Variants in PHF24 observed in about 807,000 individuals in gnomAD.
PHF24 encodes PHD finger protein 24, also known as Galpha inhibitory interacting protein.
Under a neutral mutation model 42.6 loss-of-function variants are expected in PHF24, and 25 were observed. That is an observed-to-expected ratio of 0.59 (90% confidence interval 0.43 to 0.82). PHF24 has a LOEUF of 0.82. Ranked by LOEUF, PHF24 falls within the 40% of genes least tolerant of loss-of-function variation. The pLI, the probability that PHF24 is intolerant of heterozygous loss-of-function variation, is 0.00. For missense variants in PHF24, 470 were observed against 538.1 expected (o/e 0.87, Z 1.25); for synonymous variants, 185 against 204.8 (o/e 0.90, Z 0.83).
chr9:34,718,069 A>G, the PHF24 span, among the ~76,000 whole-genome samples: 1 of 151,922 alleles, frequency 6.6e-6, no homozygotes, highest in African/African-American at 2.4e-5. Context: ...TGCTGGTACT[A>G]TTTACCGCAA....
At chr9:34,879,852 C>T in the PHF24 span, among the ~76,000 whole-genome samples, 1 of 152,044 alleles carries the variant, frequency 6.6e-6, no homozygotes, top group African/African-American at 2.4e-5. Flanking sequence ...ACAGAGAACG[C>T]CACAAAGATA....
At chr9:34,752,428 A>T in the PHF24 span, among the ~76,000 whole-genome samples, 2 of 152,188 alleles carry the variant, frequency 1.3e-5, no homozygotes, top group Admixed American at 6.5e-5. Context: ...AATAAATGGG[A>T]AAACCTAGGA....
chr9:34,729,155 A>T, the PHF24 span: 2 of 1,142,098 alleles, frequency 1.8e-6, no homozygotes, highest in Admixed American at 5.8e-5. Context: ...CTGAGAAGAA[A>T]AGTATTACAC....
chr9:34,894,495 C>A, the PHF24 span: 1 of 398,624 alleles, frequency 2.5e-6, no homozygotes, highest in Non-Finnish European at 4.4e-6. Context: ...CTGTGAAGTT[C>A]TCCTAGCTGA....
the PHF24 span, among the ~76,000 whole-genome samples, chr9:34,800,135 A>T: frequency 6.6e-6 from 1 of 152,190 alleles, no homozygotes; most frequent in African/African-American, 2.4e-5. Context: ...AATTTTATAC[A>T]AATTAAAAAA....
the PHF24 span, among the ~76,000 whole-genome samples, chr9:34,861,589 T>G: frequency 1.3e-5 from 2 of 152,154 alleles, no homozygotes; most frequent in African/African-American, 4.8e-5. Context: ...CTGATCAAGT[T>G]GGGGATAATT....
chr9:34,870,421 A>C, the PHF24 span, among the ~76,000 whole-genome samples: 1 of 152,044 alleles, frequency 6.6e-6, no homozygotes, highest in Non-Finnish European at 1.5e-5. Flanking sequence ...CTACCTATTC[A>C]TTCATCCCTC....
chr9:34,739,181 T>C, the PHF24 span, among the ~76,000 whole-genome samples: 9 of 152,370 alleles, frequency 5.9e-5, no homozygotes, highest in East Asian at 1.5e-3. Context: ...ATCAACTTTA[T>C]TCATAGTAAG....
chr9:34,850,962 T>C, the PHF24 span, among the ~76,000 whole-genome samples: 4 of 152,182 alleles, frequency 2.6e-5, no homozygotes, highest in Non-Finnish European at 4.4e-5. Context: ...TCTGGAAGTT[T>C]TGTCTCAGAG....
chr9:34,771,040 G>T, the PHF24 span, among the ~76,000 whole-genome samples: 1 of 152,146 alleles, frequency 6.6e-6, no homozygotes, highest in Non-Finnish European at 1.5e-5. Flanking sequence ...TTGAAACCAG[G>T]AGGCAGAGGT....
chr9:34,810,423 G>A, the PHF24 span, among the ~76,000 whole-genome samples: 6 of 152,178 alleles, frequency 3.9e-5, no homozygotes, highest in African/African-American at 1.4e-4. Flanking sequence ...GAGTCCCCCT[G>A]TGGAGGGCAC....
At chr9:34,694,610 G>A in the PHF24 span, among the ~76,000 whole-genome samples, 5 of 152,186 alleles carry the variant, frequency 3.3e-5, no homozygotes, top group East Asian at 9.6e-4. Flanking sequence ...AGGGATTACA[G>A]GCGTGAGCCA....
the PHF24 span, among the ~76,000 whole-genome samples, chr9:34,730,018 C>T: frequency 0.29 from 44,762 of 151,896 alleles, 6,893 homozygotes; most frequent in Admixed American, 0.35. Flanking sequence ...GGTGGTTGTA[C>T]GTATCTGGTC....
At chr9:34,963,287 C>A (rs1036202828) in intron 1 of PHF24, among the ~76,000 whole-genome samples, 4 of 117,126 alleles carry the variant, frequency 3.4e-5, no homozygotes, top group Non-Finnish European at 5.2e-5. Context: ...TGCTTAAAAT[C>A]TTGAGGTTGA....
At chr9:34,775,131 A>G in the PHF24 span, among the ~76,000 whole-genome samples, 1 of 152,246 alleles carries the variant, frequency 6.6e-6, no homozygotes, top group Non-Finnish European at 1.5e-5. Context: ...GTTTACAATA[A>G]CCAAAAGGTG....
chr9:34,703,224 G>A, the PHF24 span, among the ~76,000 whole-genome samples: 6 of 151,878 alleles, frequency 4.0e-5, no homozygotes, highest in African/African-American at 1.5e-4. Context: ...GCCCAGGCTG[G>A]AGCGCAATGG....
the PHF24 span, among the ~76,000 whole-genome samples, chr9:34,808,819 G>C: frequency 6.9e-6 from 1 of 144,006 alleles, no homozygotes; most frequent in African/African-American, 2.6e-5. Flanking sequence ...GTCCACCTCT[G>C]TATACTATTA....
the PHF24 span, chr9:34,917,125 C>T: frequency 5.3e-3 from 4,558 of 854,140 alleles, 78 homozygotes; most frequent in African/African-American, 0.049. Flanking sequence ...CTCGCTCTCG[C>T]GGCCTACCTT....
the PHF24 span, among the ~76,000 whole-genome samples, chr9:34,899,864 C>T: frequency 2.0e-5 from 3 of 152,138 alleles, no homozygotes; most frequent in South Asian, 2.1e-4. Context: ...CAGAATCACT[C>T]GGGAGCTTGT....
Sources: allele counts gnomAD v4.1 joint callset (sites outside exome capture counted in the v4.1 genomes callset), GRCh38; gene constraint gnomAD v4.1.1; transcripts MANE v1.5; gene names NCBI Gene and HGNC (gene_info 2026-07-23, HGNC 2026-07-21).